The following POTEJ variants were observed in gnomAD, a reference collection of about 807,000 sequenced individuals.
The protein encoded by POTEJ is POTE ankyrin domain family, member J.
Under a neutral mutation model 69.0 loss-of-function variants are expected in POTEJ, and 11 were observed. That is an observed-to-expected ratio of 0.16 (90% CI 0.10 to 0.26). POTEJ has a LOEUF of 0.26. Ranked by LOEUF, POTEJ falls within the 10% of genes least tolerant of loss-of-function variation. POTEJ has a pLI of 1.00. For synonymous variants in POTEJ, 117 were observed against 381.1 expected, an observed-to-expected ratio of 0.31 and a Z score of 8.07; for missense variants, 327 against 1,045.5, an observed-to-expected ratio of 0.31 and a Z score of 9.48.
chr2:130,637,033 C>T (rs1351070989), intron 9 of POTEJ, among the ~76,000 whole-genome samples: 26 of 145,972 alleles, frequency 1.8e-4, no homozygotes, highest in African/African-American at 6.0e-4. Context: ...GAGCCGAGAT[C>T]GTTGCACTGC....
chr2:130,626,879 A>G, intron 6 of POTEJ, among the ~76,000 whole-genome samples: 1 of 151,374 alleles, frequency 6.6e-6, no homozygotes, highest in East Asian at 1.9e-4. Context: ...ATTTTTTTTC[A>G]TGTAAGAAAT....
At chr2:130,640,378 A>G (rs551132173) in intron 10 of POTEJ, among the ~76,000 whole-genome samples, 1 of 147,166 alleles carries the variant, frequency 6.8e-6, no homozygotes, top group South Asian at 2.1e-4. Flanking sequence ...TTTTAATACT[A>G]TAGAAATGAG....
At chr2:130,620,433 GAACTTT>G (rs1685511888) in intron 4 of POTEJ, among the ~76,000 whole-genome samples, 2 of 147,024 alleles carry the variant, frequency 1.4e-5, no homozygotes, top group African/African-American at 5.1e-5. Flanking sequence ...TATGAAGTTT[GAACTTT>G]AACTTTTAGT....
chr2:130,630,588 T>C (rs1365302249), intron 7 of POTEJ, among the ~76,000 whole-genome samples: 6 of 141,434 alleles, frequency 4.2e-5, no homozygotes, highest in Non-Finnish European at 6.1e-5. Context: ...TGCCTTATGG[T>C]CTCTCATTGA....
chr2:130,641,054 A>G (rs1482957635), intron 10 of POTEJ, among the ~76,000 whole-genome samples: 6 of 152,084 alleles, frequency 3.9e-5, no homozygotes. Context: ...TGTCATATCT[A>G]CTTAACCGTG....
intron 10 of POTEJ, among the ~76,000 whole-genome samples, chr2:130,642,104 T>C (rs1362256599): frequency 1.3e-5 from 2 of 150,192 alleles, no homozygotes; most frequent in Non-Finnish European, 3.0e-5. Context: ...TTCTAAATAA[T>C]CATTTTCTGC....
intron 3 of POTEJ, among the ~76,000 whole-genome samples, chr2:130,618,659 A>C (rs866237482): frequency 2.8e-5 from 4 of 143,440 alleles, no homozygotes; most frequent in Non-Finnish European, 6.1e-5. Flanking sequence ...AGAACCACTC[A>C]ATACATAAAT....
At position 130,645,716 on chromosome 2, in the gene POTEJ, CT is replaced by C. The variant is rs1686555377; in HGVS notation, c.1441-19del. The C allele has an allele frequency of 2.6e-6, 1 of 383,096 alleles. No homozygotes were observed. The highest frequency in any genetic ancestry group is 2.5e-5 in the African/African-American group (1 of 40,256). The allele number at this position is 383,096 out of a possible 1,614,324, so 23.7% of individuals were successfully genotyped here. On this transcript the variant is annotated intron_variant, in intron 11 of 14. Transcript: ENST00000409602. ...ACAGAAATACAACAAGCAAATTAACCTTCTGTTTTTACATCTGCAGAAAAGA... is the reference window on the plus strand; with the variant it reads ...ACAGAAATACAACAAGCAAATTAACCTCTGTTTTTACATCTGCAGAAAAGA...
chr2:130,616,329 GTT>G lies in POTEJ; in HGVS notation c.411-460_411-459del, dbSNP rs1252409655. ...ATAATTGTATCATCTCAATTCAAAT[GTT>G]GTCTTTAGTGGTATTAGTAAAAATT... On this transcript the variant is annotated intron_variant, in intron 1 of 14. Transcript: ENST00000409602. 4.0e-5 allele frequency among the ~76,000 whole-genome samples: 4 copies of G among 98,996 alleles called. 1 individual carries two copies. Among genetic ancestry groups the G allele is most frequent in the Non-Finnish European group, 7.8e-5 (4 of 50,976 alleles). The allele number at this position is 98,996 out of a possible 152,430, so 64.9% of individuals were successfully genotyped here.
At chr2:130,643,610 G>A (rs553481978) in intron 10 of POTEJ, among the ~76,000 whole-genome samples, 38 of 144,246 alleles carry the variant, frequency 2.6e-4, no homozygotes, top group African/African-American at 8.7e-4. Context: ...ACTAATAAAG[G>A]TGTCAGCAGT....
At chr2:130,652,156 C>T (rs1222959663) in intron 13 of POTEJ, among the ~76,000 whole-genome samples, 2 of 134,146 alleles carry the variant, frequency 1.5e-5, no homozygotes, top group Admixed American at 7.3e-5. Flanking sequence ...GGGCTCTTTG[C>T]GCTTCACTTC....
In POTEJ at chr2:130,632,921, A is replaced by G. The variant is rs1313144201; in HGVS notation, c.1298+265A>G. ...GAACTTTTCTTTTAGTTTCAGGGGT[A>G]CATGTGCAGGGTTATTATATAGGTA... On this transcript the variant is annotated intron_variant, in intron 9 of 14. Coordinates refer to ENST00000409602, the MANE Select transcript of POTEJ (RefSeq NM_001277083.2). 7.3e-3 allele frequency among the ~76,000 whole-genome samples: 1,048 copies of G among 143,798 alleles called. 5 individuals are homozygous for G. Among genetic ancestry groups the G allele is most frequent in the African/African-American group, 0.023 (835 of 36,646 alleles). 94.3% of individuals were successfully genotyped at this position (143,798 alleles called of 152,430 possible). A position where few individuals can be genotyped will look rare whatever the true frequency, so the allele number is the denominator to read the frequency against.
intron 4 of POTEJ, among the ~76,000 whole-genome samples, chr2:130,620,539 A>AT (rs1436097302): frequency 6.6e-6 from 1 of 151,392 alleles, no homozygotes; most frequent in African/African-American, 2.4e-5. Context: ...AATATGCTGT[A>AT]TTAAACATAA....
At chr2:130,625,297 T>A (rs1328409555) in intron 6 of POTEJ, among the ~76,000 whole-genome samples, 1 of 152,060 alleles carries the variant, frequency 6.6e-6, no homozygotes, top group South Asian at 2.1e-4. Flanking sequence ...ACTTAACATA[T>A]AACTATCAAA....
intron 1 of POTEJ, among the ~76,000 whole-genome samples, chr2:130,612,856 T>C (rs1685262620): frequency 7.0e-6 from 1 of 143,758 alleles, no homozygotes; most frequent in Middle Eastern, 3.4e-3. Flanking sequence ...CGTTTTTAAA[T>C]TACACATGCT....
Position 130,657,004 on chromosome 2 carries a change from C to T in POTEJ, c.2244C>T (p.Ile748=). The part of the protein sequence containing the change: ...IITNWDDMEK[I]WHHTFYNELR... Reference sequence around the variant, plus strand: ...CCAACTGGGATGACATGGAGAAGATCTGGCACCACACCTTCTACAACGAGC... The same window carrying T: ...CCAACTGGGATGACATGGAGAAGATTTGGCACCACACCTTCTACAACGAGC... Residue 748 remains isoleucine (I), a synonymous_variant, in exon 15 of 15, where the codon ATC becomes ATT. Transcript: ENST00000409602. The T allele has an allele frequency of 6.3e-7, 1 of 1,583,458 alleles. No homozygotes were observed.
intron 9 of POTEJ, among the ~76,000 whole-genome samples, chr2:130,636,966 C>T (rs1350311508): frequency 1.4e-5 from 2 of 146,320 alleles, no homozygotes; most frequent in Non-Finnish European, 1.5e-5. Context: ...GTAGTCCCAG[C>T]TGCTATGGAG....
chr2:130,641,788 C>G (rs1199221698), intron 10 of POTEJ, among the ~76,000 whole-genome samples: 1 of 152,182 alleles, frequency 6.6e-6, no homozygotes, highest in Non-Finnish European at 1.5e-5. Context: ...ATTTATAACT[C>G]ACATCCTACT....
intron 10 of POTEJ, among the ~76,000 whole-genome samples, chr2:130,641,860 G>A (rs1249118554): frequency 4.3e-4 from 65 of 152,320 alleles, no homozygotes; most frequent in African/African-American, 1.3e-3. Flanking sequence ...AGTAATAAAT[G>A]TCCATGTGCA....
Sources: gnomAD v4.1 joint callset for allele counts (sites outside exome capture counted in the v4.1 genomes callset) on GRCh38, gnomAD v4.1.1 for gene constraint, MANE v1.5 for transcripts, NCBI Gene and HGNC (gene_info 2026-07-23, HGNC 2026-07-21) for gene names.